CSPG5: variants seen among roughly 807,000 people sequenced by gnomAD.
CSPG5 encodes chondroitin sulfate proteoglycan 5.
CSPG5 carries 25 observed loss-of-function variants against 39.8 expected under a neutral mutation model. That is an observed-to-expected ratio of 0.63 (90% CI 0.46 to 0.88). The LOEUF is 0.88. Ranked by LOEUF, CSPG5 falls within the 40% of genes least tolerant of loss-of-function variation. The pLI is 0.00. For synonymous variants in CSPG5, 295 were observed against 303.9 expected, an observed-to-expected ratio of 0.97 and a Z score of 0.31; for missense variants, 627 against 702.2, an observed-to-expected ratio of 0.89 and a Z score of 1.21.
At position 47,577,212 on chromosome 3, in the gene CSPG5, A is replaced by G. The variant is rs1215896929; in HGVS notation, c.814T>C (p.Tyr272His). 6.2e-7 allele frequency: 1 copy of G among 1,607,716 alleles called. No homozygotes were observed. The change falls in exon 2 of 5, where the codon TAT becomes CAT. Residue 272 changes from tyrosine (Y) to histidine (H), a missense_variant. By Grantham distance (83) the Tyr-to-His change is moderately conservative. Coordinates refer to ENST00000264723, the MANE Select transcript of CSPG5 (RefSeq NM_006574.4). The surrounding 1 kb of genome is among the most constrained non-coding windows in gnomAD (Gnocchi z 4.7). ...ESDFYPTTSFYDDLDEEEEEE... is the reference protein window; with the variant it reads ...ESDFYPTTSFHDDLDEEEEEE... ...TCCTCCTCTTCATCCAAGTCATCAT[A>G]AAAGGATGTGGTGGGGTAGAAATCA...
intron 4 of CSPG5, among the ~76,000 whole-genome samples, chr3:47,568,244 T>C (rs1403548321): frequency 1.3e-5 from 2 of 152,246 alleles, no homozygotes; most frequent in African/African-American, 4.8e-5. Context: ...GGAACCTGCA[T>C]TATATAGAGA....
chr3:47,568,077 T>C (rs1484961305), intron 4 of CSPG5, among the ~76,000 whole-genome samples: 1 of 152,132 alleles, frequency 6.6e-6, no homozygotes, highest in East Asian at 1.9e-4. Context: ...TGGTCTAGAG[T>C]GCTGAGGCCC....
chr3:47,576,691 C>T (rs2031749720), intron 2 of CSPG5, 142 bp downstream of exon 2: 1 of 948,976 alleles, frequency 1.1e-6, no homozygotes, highest in Non-Finnish European at 1.6e-6. Context: ...AACTCCTGAC[C>T]TTAGGAGATC....
rs1472807864 is a variant in CSPG5 at position 47,578,162 on chromosome 3, G to T, written c.98-234C>A. ...GCCCAACGCCTCGCGGCTCGGCCCC[G>T]CCCGACCTGCCCCGCCGTCTGAAGA... On this transcript the variant is annotated intron_variant, in intron 1 of 4. Coordinates refer to ENST00000264723, the MANE Select transcript of CSPG5 (RefSeq NM_006574.4). The surrounding 1 kb of genome is among the most constrained non-coding windows in gnomAD (Gnocchi z 6.0). 6 of 571,762 alleles carry T rather than the reference G, an allele frequency of 1.0e-5. No individual in the cohort carries two copies. Among genetic ancestry groups the T allele is most frequent in the Non-Finnish European group, 1.5e-5 (6 of 388,692 alleles). 35.4% of individuals were successfully genotyped at this position (571,762 alleles called of 1,614,324 possible).
intron 4 of CSPG5, among the ~76,000 whole-genome samples, chr3:47,567,487 CTTG>C (rs1370368824): frequency 2.0e-5 from 3 of 152,102 alleles, no homozygotes; most frequent in Non-Finnish European, 4.4e-5. Context: ...CTTGACCTTA[CTTG>C]TTGTATCTTG....
In CSPG5 at chr3:47,578,675, CG is replaced by C; in HGVS notation, c.18del (p.Gly8AlafsTer39). On this transcript the variant is annotated frameshift_variant, in exon 1 of 5. Transcript: ENST00000264723. LOFTEE classifies it high-confidence loss of function. The surrounding 1 kb of genome is among the most constrained non-coding windows in gnomAD (Gnocchi z 6.0). MGRAG[G>X]GGPGRGPPPL... ...GGCGGCGGCCCCCGGCCCGGGCCCC[CG>C]CCCCCGGCTCGCCCCATGGCGCGGC... 9.3e-7 allele frequency: 1 copy of C among 1,072,108 alleles called. No individual in the cohort carries two copies. The highest frequency in any genetic ancestry group is 1.1e-6 in the Non-Finnish European group (1 of 876,994). The allele number at this position is 1,072,108 out of a possible 1,614,324, so 66.4% of individuals were successfully genotyped here. A position where few individuals can be genotyped will look rare whatever the true frequency, so the allele number is the denominator to read the frequency against.
In CSPG5 at chr3:47,578,542, C is replaced by A; in HGVS notation, c.97+55G>T. The A allele has an allele frequency of 4.9e-6, 3 of 606,850 alleles. No individual in the cohort carries two copies. The highest frequency in any genetic ancestry group is 4.7e-5 in the East Asian group (1 of 21,134). The allele number at this position is 606,850 out of a possible 1,614,324, so 37.6% of individuals were successfully genotyped here. A position where few individuals can be genotyped will look rare whatever the true frequency, so the allele number is the denominator to read the frequency against. On this transcript the variant is annotated intron_variant, in intron 1 of 4. Transcript: ENST00000264723. The surrounding 1 kb of genome is among the most constrained non-coding windows in gnomAD (Gnocchi z 6.0). ...ACCTGTCCCCGCCGCCAGCGGGACC[C>A]CTGCCCTGGGTGGGGCACGAGGGCC... is the stretch of plus-strand genomic sequence containing the variant.
chr3:47,562,893 A>C, intron 4 of CSPG5, 132 bp from the exon 5 acceptor site: 3 of 944,846 alleles, frequency 3.2e-6, no homozygotes, highest in East Asian at 2.8e-5. Flanking sequence ...GAATGAACTA[A>C]AAGGAACCAA....
At chr3:47,565,524 A>G (rs1053997016) in intron 4 of CSPG5, among the ~76,000 whole-genome samples, 10 of 152,198 alleles carry the variant, frequency 6.6e-5, no homozygotes, top group South Asian at 2.1e-4. Flanking sequence ...CACTGCTCCC[A>G]GCATTCAATC....
chr3:47,576,362 T>C (rs369784350), intron 2 of CSPG5, among the ~76,000 whole-genome samples: 1 of 152,208 alleles, frequency 6.6e-6, no homozygotes, highest in Non-Finnish European at 1.5e-5. Context: ...CAAGTAATTC[T>C]GTAGAAGAAG....
rs1433085520 is a variant in CSPG5, at chr3:47,578,657, GC to G, written c.36del (p.Pro13ArgfsTer34). On this transcript the variant is annotated frameshift_variant, in exon 1 of 5. Coordinates refer to ENST00000264723, the MANE Select transcript of CSPG5 (RefSeq NM_006574.4). LOFTEE classifies it high-confidence loss of function. This position sits in a 1 kb window ranked among gnomAD's most constrained non-coding sequence, Gnocchi z 6.0. ...CCCAGAAACAGCAGCAGTGGCGGCG[GC>G]CCCCGGCCCGGGCCCCCGCCCCCGG... ...GRAGGGGPGR[G>X]PPPLLLFLGA... 26 of 1,114,744 alleles carry G rather than the reference GC, an allele frequency of 2.3e-5. No homozygotes were observed. The highest frequency in any genetic ancestry group is 8.9e-5 in the East Asian group (2 of 22,578). 69.1% of individuals were successfully genotyped at this position (1,114,744 alleles called of 1,614,324 possible). A position where few individuals can be genotyped will look rare whatever the true frequency, so the allele number is the denominator to read the frequency against.
At position 47,577,364 on chromosome 3, in the gene CSPG5, C is replaced by A. The variant is rs1243688090; in HGVS notation, c.662G>T (p.Arg221Leu). 6.2e-7 allele frequency: 1 copy of A among 1,614,012 alleles called. No individual in the cohort carries two copies. Among genetic ancestry groups the A allele is most frequent in the African/African-American group, 1.3e-5 (1 of 74,932 alleles). The change falls in exon 2 of 5, where the codon CGT becomes CTT. Residue 221 changes from arginine (R) to leucine (L), a missense_variant. Arg to Leu is a moderately radical substitution (Grantham distance 102). Transcript: ENST00000264723. This position sits in a 1 kb window ranked among gnomAD's most constrained non-coding sequence, Gnocchi z 4.7. The stretch of plus-strand genomic sequence containing the variant: ...TGGGAAGCTCCCCAGATCTGCGCCA[C>A]GACCCTCACCATCCAGTCCTTCGAA... ...DYFEGLDGEG[R>L]GADLGSFPGS...
chr3:47,575,777 A>G lies in CSPG5; in HGVS notation c.1193+1056T>C, dbSNP rs1478695212. On this transcript the variant is annotated intron_variant, in intron 2 of 4. Coordinates refer to ENST00000264723, the MANE Select transcript of CSPG5 (RefSeq NM_006574.4). ...GAACTGGCCCCTCCTCCCGCCGAGC[A>G]CAAGGCATGGAGCGGTGTTCAACAG... 4.6e-5 allele frequency among the ~76,000 whole-genome samples: 7 copies of G among 152,116 alleles called. No homozygotes were observed. The East Asian group carries it at 1.4e-3, about 29-fold the overall frequency.
Position 47,577,729 on chromosome 3 carries a change from GGCGGTGCCGGT to G in CSPG5, c.286_296del (p.Thr96LeufsTer5). Reference sequence around the variant, plus strand: ...GGCCTGGGCTGTCAGCTTCCAGCCAGGCGGTGCCGGTCACCGCAGCCGACTCCTGCAGCACC... The same window carrying G: ...GGCCTGGGCTGTCAGCTTCCAGCCAGCACCGCAGCCGACTCCTGCAGCACC... On this transcript the variant is annotated frameshift_variant, in exon 2 of 5. Coordinates refer to ENST00000264723, the MANE Select transcript of CSPG5 (RefSeq NM_006574.4). LOFTEE classifies it high-confidence loss of function. This position sits in a 1 kb window ranked among gnomAD's most constrained non-coding sequence, Gnocchi z 4.7. 1 of 1,579,288 alleles carries G rather than the reference GGCGGTGCCGGT, an allele frequency of 6.3e-7. No individual in the cohort carries two copies. Among genetic ancestry groups the G allele is most frequent in the Non-Finnish European group, 8.6e-7 (1 of 1,168,192 alleles).
At chr3:47,562,874 C>T in intron 4 of CSPG5, 113 bp from the exon 5 acceptor site, 1 of 1,176,956 alleles carries the variant, frequency 8.5e-7, no homozygotes, top group Non-Finnish European at 1.2e-6. Context: ...GGAAAAAGCT[C>T]CAAGACTTGA....
chr3:47,572,127 TC>T lies in CSPG5; in HGVS notation c.1382+558del, dbSNP rs2031550616. Among the ~76,000 whole-genome samples, 1 of 152,172 alleles carries T rather than the reference TC, an allele frequency of 6.6e-6. No homozygotes were observed. The highest frequency in any genetic ancestry group is 2.4e-5 in the African/African-American group (1 of 41,450). On this transcript the variant is annotated intron_variant, in intron 3 of 4. Transcript: ENST00000264723. The surrounding 1 kb of genome is among the most constrained non-coding windows in gnomAD (Gnocchi z 4.5). ...AGAGGTAAAGAGGATTTTCTTAAGT[TC>T]CTTGCACTTCTGATTGGACACAGGC...
Position 47,569,601 on chromosome 3 carries a change from CT to C in CSPG5, c.1383-375del, listed in dbSNP as rs1456863676. Reference sequence around the variant, plus strand: ...CCTGGCTGACAGAGCGAGACTCCATCTCAAAAAAAAAAAAATTACAAAAAAT... The same window carrying C: ...CCTGGCTGACAGAGCGAGACTCCATCCAAAAAAAAAAAAATTACAAAAAAT... On this transcript the variant is annotated intron_variant, in intron 3 of 4. Transcript: ENST00000264723. 1.1e-4 allele frequency among the ~76,000 whole-genome samples: 17 copies of C among 149,036 alleles called. No homozygotes were observed. In the South Asian group the frequency reaches 3.6e-3, roughly 32 times the overall value.
chr3:47,571,779 G>A (rs1454628546), intron 3 of CSPG5, among the ~76,000 whole-genome samples: 1 of 152,144 alleles, frequency 6.6e-6, no homozygotes, highest in Non-Finnish European at 1.5e-5. Context: ...AGGTTGAAAG[G>A]GAAGTGGGGG....
At chr3:47,569,008 C>T in intron 4 of CSPG5, 144 bp downstream of exon 4, 2 of 1,361,194 alleles carry the variant, frequency 1.5e-6, no homozygotes, top group Admixed American at 3.2e-5. Context: ...CTGAAATAGA[C>T]ATCAGACATG....
Sources: allele counts gnomAD v4.1 joint callset (sites outside exome capture counted in the v4.1 genomes callset), GRCh38; gene constraint gnomAD v4.1.1; non-coding constraint Gnocchi (gnomAD v3.1); transcripts MANE v1.5; gene names NCBI Gene and HGNC (gene_info 2026-07-23, HGNC 2026-07-21).